PCCA: variants seen among roughly 807,000 people sequenced by gnomAD.
The protein encoded by PCCA is propionyl-CoA carboxylase alpha chain, mitochondrial.
PCCA carries 74 observed loss-of-function variants against 101.3 expected under a neutral mutation model. The ratio of observed to expected loss-of-function variants is 0.73; its 90% CI spans 0.61 to 0.89. PCCA has a LOEUF of 0.89. Ranked by LOEUF, PCCA falls within the 40% of genes least tolerant of loss-of-function variation. The probability of loss-of-function intolerance (pLI) is 0.00; values close to 1 mark genes in which losing one functional copy is unlikely to be tolerated. For missense variants in PCCA, 891 were observed against 907.0 expected (o/e 0.98, Z 0.23); for synonymous variants, 294 against 313.6 (o/e 0.94, Z 0.66).
chr13:100,287,128 C>T (rs2064738768), intron 12 of PCCA, among the ~76,000 whole-genome samples: 1 of 152,108 alleles, frequency 6.6e-6, no homozygotes, highest in South Asian at 2.1e-4. Flanking sequence ...GAAGTGCTAT[C>T]TACATTACAT....
intron 7 of PCCA, among the ~76,000 whole-genome samples, chr13:100,228,650 C>A (rs1359941154): frequency 1.3e-5 from 2 of 151,810 alleles, no homozygotes; most frequent in African/African-American, 4.8e-5. Context: ...GTAATCCTAG[C>A]ACTTTGGGAG....
chr13:100,469,143 G>A (rs1397328833), intron 21 of PCCA, among the ~76,000 whole-genome samples: 3 of 145,980 alleles, frequency 2.1e-5, no homozygotes, highest in East Asian at 2.1e-4. Flanking sequence ...CCCAGGAGAC[G>A]GAGGTTGTGG....
chr13:100,225,833 C>T (rs1358496399), intron 7 of PCCA, among the ~76,000 whole-genome samples: 1 of 152,054 alleles, frequency 6.6e-6, no homozygotes, highest in Non-Finnish European at 1.5e-5. Flanking sequence ...CTCAGTCACC[C>T]AGGCTGGAGT....
chr13:100,330,494 C>T, intron 16 of PCCA, 67 bp from the exon 17 acceptor site: 1 of 944,278 alleles, frequency 1.1e-6, no homozygotes, highest in South Asian at 1.3e-5. Context: ...ATAAATTTCT[C>T]CAGATTATCA....
chr13:100,103,392 A>G (rs7993746), intron 2 of PCCA, among the ~76,000 whole-genome samples: 65,638 of 150,676 alleles, frequency 0.44, 14,908 homozygotes, highest in East Asian at 0.7. Flanking sequence ...GCTCACTGCA[A>G]CCTACGCCTC....
At chr13:100,235,758 C>T in intron 7 of PCCA, 84 bp from the exon 8 acceptor site, 1 of 847,940 alleles carries the variant, frequency 1.2e-6, no homozygotes, top group Non-Finnish European at 2.1e-6. Context: ...TCGGAGGAGA[C>T]AGTAGTGCAA....
At chr13:100,521,451 G>C (rs1258830095) in intron 22 of PCCA, among the ~76,000 whole-genome samples, 1 of 152,214 alleles carries the variant, frequency 6.6e-6, no homozygotes, top group East Asian at 1.9e-4. Context: ...TGCCCGCCTG[G>C]TCTGTCTTTG....
chr13:100,296,783 A>G (rs2065571715), intron 12 of PCCA, among the ~76,000 whole-genome samples: 1 of 152,196 alleles, frequency 6.6e-6, no homozygotes, highest in Non-Finnish European at 1.5e-5. Context: ...TTATGTAACT[A>G]TAGCACCATA....
At chr13:100,402,051 C>T (rs1398795019) in intron 19 of PCCA, among the ~76,000 whole-genome samples, 1 of 151,452 alleles carries the variant, frequency 6.6e-6, no homozygotes, top group African/African-American at 2.4e-5. Context: ...TGTGTGGATC[C>T]CTTGTAGATT....
intron 8 of PCCA, among the ~76,000 whole-genome samples, chr13:100,255,367 A>G (rs758126470): frequency 2.6e-5 from 4 of 152,126 alleles, no homozygotes; most frequent in South Asian, 2.1e-4. Flanking sequence ...AATGATTTCC[A>G]TGTCATATTT....
intron 12 of PCCA, among the ~76,000 whole-genome samples, chr13:100,300,199 G>A (rs1390690773): frequency 1.3e-5 from 2 of 152,138 alleles, no homozygotes; most frequent in African/African-American, 2.4e-5. Flanking sequence ...TCTTTATTTA[G>A]TGTCACATTT....
chr13:100,230,506 C>G (rs959955662), intron 7 of PCCA, among the ~76,000 whole-genome samples: 1 of 150,312 alleles, frequency 6.7e-6, no homozygotes, highest in Non-Finnish European at 1.5e-5. Flanking sequence ...GGTCGTGCCA[C>G]TGCACTCCAG....
chr13:100,305,417 T>A (rs1462563837), intron 14 of PCCA, among the ~76,000 whole-genome samples: 2 of 152,186 alleles, frequency 1.3e-5, no homozygotes. Flanking sequence ...GTCTATGTTA[T>A]TTTATTTGTG....
chr13:100,348,787 T>TCTTTCTTCCTTTCTTC, intron 18 of PCCA, among the ~76,000 whole-genome samples: 2 of 46,648 alleles, frequency 4.3e-5, no homozygotes, highest in South Asian at 1.7e-3. Flanking sequence ...TTTCTTTCTT[T>TCTTTCTTCCTTTCTTC]CTTCCTTCCT....
At chr13:100,245,831 T>C (rs555496534) in intron 8 of PCCA, among the ~76,000 whole-genome samples, 34 of 152,356 alleles carry the variant, frequency 2.2e-4, no homozygotes, top group African/African-American at 8.2e-4. Flanking sequence ...GCTTTTGAAA[T>C]GTACTCCTCT....
At chr13:100,306,474 C>T (rs149709981) in intron 14 of PCCA, among the ~76,000 whole-genome samples, 121 of 152,302 alleles carry the variant, frequency 7.9e-4, no homozygotes, top group African/African-American at 2.6e-3. Context: ...GGCTAACCTC[C>T]GTGCCTTGCT....
At chr13:100,330,318 G>A (rs2069359053) in intron 16 of PCCA, among the ~76,000 whole-genome samples, 1 of 152,130 alleles carries the variant, frequency 6.6e-6, no homozygotes, top group African/African-American at 2.4e-5. Context: ...AATTACTTTT[G>A]CACCACCCTA....
intron 18 of PCCA, among the ~76,000 whole-genome samples, chr13:100,341,973 A>ATATATATATATATATATG (rs1257478273): frequency 0.032 from 3,938 of 121,542 alleles, 160 homozygotes; most frequent in Non-Finnish European, 0.045. Flanking sequence ...ATATATATAT[A>ATATATATATATATATATG]TATATATATG....
chr13:100,204,075 A>C (rs961954729), intron 6 of PCCA, among the ~76,000 whole-genome samples: 1 of 151,750 alleles, frequency 6.6e-6, no homozygotes, highest in Non-Finnish European at 1.5e-5. Flanking sequence ...TTTATCATGG[A>C]ATAGTATTAA....
Sources: gnomAD v4.1 joint callset for allele counts (sites outside exome capture counted in the v4.1 genomes callset) on GRCh38, gnomAD v4.1.1 for gene constraint, MANE v1.5 for transcripts, NCBI Gene and HGNC (gene_info 2026-07-23, HGNC 2026-07-21) for gene names.